PCMTD2: variants seen among roughly 807,000 people sequenced by gnomAD.
The protein encoded by PCMTD2 is protein-L-isoaspartate O-methyltransferase domain-containing protein 2.
PCMTD2 carries 16 observed loss-of-function variants against 33.4 expected under a neutral mutation model. That is an observed-to-expected ratio of 0.48 (90% CI 0.32 to 0.73). PCMTD2 has a LOEUF of 0.73. PCMTD2 is among the 30% of genes least tolerant of loss of function. The pLI, the probability that PCMTD2 is intolerant of heterozygous loss-of-function variation, is 0.03. For missense variants in PCMTD2, 374 were observed against 449.9 expected (o/e 0.83, Z 1.53); for synonymous variants, 161 against 160.8 (o/e 1.00, Z -0.01).
intron 1 of PCMTD2, among the ~76,000 whole-genome samples, chr20:64,257,814 C>CTAT (rs1985230554): frequency 6.6e-6 from 1 of 152,218 alleles, no homozygotes; most frequent in Non-Finnish European, 1.5e-5. Flanking sequence ...TTTTGCCATA[C>CTAT]AGTCCTGGGT....
chr20:64,272,275 G>A (rs1382202727), intron 5 of PCMTD2: 1 of 334,772 alleles, frequency 3.0e-6, no homozygotes, highest in Non-Finnish European at 6.2e-6. Flanking sequence ...CTATAGTGCA[G>A]ACTGTTATTA....
intron 4 of PCMTD2, among the ~76,000 whole-genome samples, chr20:64,266,738 A>G (rs891156962): frequency 6.6e-6 from 1 of 152,228 alleles, no homozygotes; most frequent in Non-Finnish European, 1.5e-5. Context: ...TTGTTGCTAT[A>G]CAAAATGCAT....
chr20:64,267,944 G>A lies in PCMTD2; in HGVS notation c.640G>A (p.Val214Ile), dbSNP rs750989007. 1 of 1,613,620 alleles carries A rather than the reference G, an allele frequency of 6.2e-7. No homozygotes were observed. Among genetic ancestry groups the A allele is most frequent in the South Asian group, 1.1e-5 (1 of 91,064 alleles). ...SAWETKKILA[V>I]SFAPLIQPCH... Reference sequence around the variant, plus strand: ...TTGGGAAACCAAAAAGATTCTTGCTGTTTCTTTTGCTCCTCTGATCCAGCC... The same window carrying A: ...TTGGGAAACCAAAAAGATTCTTGCTATTTCTTTTGCTCCTCTGATCCAGCC... The change falls in exon 5 of 6, where the codon GTT (valine) becomes ATT (isoleucine). Residue 214 changes from valine to isoleucine, a missense_variant. By Grantham distance (29) the Val-to-Ile change is conservative (BLOSUM62 3). Transcript: ENST00000308824.
intron 2 of PCMTD2, among the ~76,000 whole-genome samples, chr20:64,263,177 G>A (rs1174574383): frequency 6.6e-6 from 1 of 152,222 alleles, no homozygotes; most frequent in Non-Finnish European, 1.5e-5. Context: ...GCAGAGTCGG[G>A]AATTGAAGTC....
chr20:64,267,469 G>A lies in PCMTD2; in HGVS notation c.583-418G>A, dbSNP rs573508224. The stretch of plus-strand genomic sequence containing the variant: ...TTAGCCACCCTCCCAATAACAACAG[G>A]TCAGGATTCAGTTGGTTGGTAACGT... On this transcript the variant is annotated intron_variant, in intron 4 of 5. Transcript: ENST00000308824. 2.9e-4 allele frequency among the ~76,000 whole-genome samples: 44 copies of A among 152,246 alleles called. No homozygotes were observed. The South Asian group carries it at 8.9e-3, about 31-fold the overall frequency.
chr20:64,272,030 G>C (rs1053766592), intron 5 of PCMTD2: 1 of 359,628 alleles, frequency 2.8e-6, no homozygotes, highest in Non-Finnish European at 5.5e-6. Context: ...TGAAGAGAAA[G>C]GACTGAAGAC....
chr20:64,267,695 G>T, intron 4 of PCMTD2, among the ~76,000 whole-genome samples, 192 bp from the exon 5 acceptor site: 1 of 152,134 alleles, frequency 6.6e-6, no homozygotes, highest in East Asian at 1.9e-4. Context: ...ATATATTCAG[G>T]TTAGCATCTT....
rs1162867089 is a variant in PCMTD2 at position 64,260,303 on chromosome 20, T to A, written c.307+31T>A. The A allele has an allele frequency of 2.0e-6, 3 of 1,497,440 alleles. No individual in the cohort carries two copies. In the Admixed American group the frequency reaches 5.2e-5, roughly 26 times the overall value. 92.8% of individuals were successfully genotyped at this position (1,497,440 alleles called of 1,614,324 possible). On this transcript the variant is annotated intron_variant, in intron 2 of 5. Transcript: ENST00000308824. ...TGTGGAAGGAGAGTCTGAAAACTCA[T>A]CTGTCTCAGGGAAGGAGGCATCTCC... is the stretch of plus-strand genomic sequence containing the variant.
intron 5 of PCMTD2, 131 bp downstream of exon 5, chr20:64,268,141 T>C: frequency 2.4e-6 from 1 of 410,176 alleles, no homozygotes. Context: ...AACTGTAAAA[T>C]TCTACAAGCA....
At chr20:64,266,461 T>G (rs911907349) in intron 4 of PCMTD2, among the ~76,000 whole-genome samples, 1 of 152,010 alleles carries the variant, frequency 6.6e-6, no homozygotes, top group Non-Finnish European at 1.5e-5. Flanking sequence ...TTTCACCATG[T>G]TGTTCAGGCT....
chr20:64,259,639 C>G (rs760665721), intron 1 of PCMTD2, among the ~76,000 whole-genome samples: 2 of 152,152 alleles, frequency 1.3e-5, no homozygotes, highest in Admixed American at 6.5e-5. Flanking sequence ...ATCCAACTGC[C>G]TCGGCCTCCC....
chr20:64,271,843 G>A (rs1985923201), intron 5 of PCMTD2: 1 of 195,742 alleles, frequency 5.1e-6, no homozygotes. Context: ...GGAGCTGAGG[G>A]CCGGGACCCC....
Position 64,273,414 on chromosome 20 carries a change from T to C in PCMTD2, c.900T>C (p.Ser300=). 6.2e-7 allele frequency: 1 copy of C among 1,614,046 alleles called. No homozygotes were observed. Among genetic ancestry groups the C allele is most frequent in the Non-Finnish European group, 8.5e-7 (1 of 1,179,966 alleles). Residue 300 remains serine (S), a synonymous_variant, in exon 6 of 6, where the codon AGT becomes AGC. Coordinates refer to ENST00000308824, the MANE Select transcript of PCMTD2 (RefSeq NM_018257.3). ...IVFLDKEVFA[S]RISNPSDDNS... Reference sequence around the variant, plus strand: ...TTTTGGACAAAGAAGTCTTTGCCAGTCGGATTTCCAACCCCTCAGATGACA... The same window carrying C: ...TTTTGGACAAAGAAGTCTTTGCCAGCCGGATTTCCAACCCCTCAGATGACA...
intron 4 of PCMTD2, among the ~76,000 whole-genome samples, chr20:64,266,887 C>G (rs1045928170): frequency 6.6e-6 from 1 of 152,020 alleles, no homozygotes; most frequent in South Asian, 2.1e-4. Context: ...TTTATTGATT[C>G]TATTGAAATA....
chr20:64,267,149 G>A (rs995618328), intron 4 of PCMTD2, among the ~76,000 whole-genome samples: 2 of 152,162 alleles, frequency 1.3e-5, no homozygotes, highest in Non-Finnish European at 2.9e-5. Flanking sequence ...TAGGCCACTT[G>A]GAGACTGACC....
intron 1 of PCMTD2, chr20:64,258,735 A>C (rs1985272241): frequency 6.6e-6 from 1 of 152,172 alleles, no homozygotes; most frequent in Non-Finnish European, 1.5e-5. Context: ...CATAATTATA[A>C]CAAGTTGTTA....
intron 5 of PCMTD2, among the ~76,000 whole-genome samples, chr20:64,268,417 G>T (rs1172774803): frequency 6.6e-6 from 1 of 152,226 alleles, no homozygotes; most frequent in East Asian, 1.9e-4. Context: ...GCTGCCTCAT[G>T]GGTAGACAAG....
At chr20:64,257,579 C>T (rs1032758929) in intron 1 of PCMTD2, among the ~76,000 whole-genome samples, 3 of 152,180 alleles carry the variant, frequency 2.0e-5, no homozygotes, top group African/African-American at 7.2e-5. Context: ...GACATCATGA[C>T]TGATCATATC....
intron 5 of PCMTD2, among the ~76,000 whole-genome samples, chr20:64,268,520 C>T (rs993245697): frequency 2.0e-5 from 3 of 152,144 alleles, no homozygotes; most frequent in Non-Finnish European, 4.4e-5. Flanking sequence ...TTCACTATTT[C>T]AGGATGCAAA....
Sources: gnomAD v4.1 joint callset for allele counts (sites outside exome capture counted in the v4.1 genomes callset) on GRCh38, gnomAD v4.1.1 for gene constraint, MANE v1.5 for transcripts, NCBI Gene and HGNC (gene_info 2026-07-23, HGNC 2026-07-21) for gene names.